Variants in ME2 observed in about 807,000 individuals in gnomAD.
ME2 encodes the protein NAD-dependent malic enzyme, mitochondrial.
A neutral mutation model predicts 73.7 loss-of-function variants in ME2; 60 were observed. That is an observed-to-expected ratio of 0.81 (90% CI 0.66 to 1.01). ME2 has a LOEUF of 1.01. Ranked by LOEUF, ME2 falls within the 50% of genes least tolerant of loss-of-function variation. The pLI, the probability that ME2 is intolerant of heterozygous loss-of-function variation, is 0.00. For missense variants in ME2, 594 were observed against 705.5 expected (o/e 0.84, Z 1.79); for synonymous variants, 199 against 236.9 (o/e 0.84, Z 1.47).
At chr18:50,900,066 A>G (rs2144204309) in intron 2 of ME2, among the ~76,000 whole-genome samples, 1 of 152,234 alleles carries the variant, frequency 6.6e-6, no homozygotes, top group East Asian at 1.9e-4. Flanking sequence ...AAATACCCCT[A>G]TTCACACCTC....
At chr18:50,923,791 C>A (rs1045514299) in intron 10 of ME2, among the ~76,000 whole-genome samples, 1 of 152,186 alleles carries the variant, frequency 6.6e-6, no homozygotes, top group African/African-American at 2.4e-5. Flanking sequence ...CAAAACTCAT[C>A]TACCCCAGAT....
rs1207633566 is a variant in ME2 at position 50,949,648 on chromosome 18, A to G, written c.*2464A>G. The G allele has an allele frequency of 6.6e-6, 1 of 152,250 alleles. No individual in the cohort carries two copies. Among genetic ancestry groups the G allele is most frequent in the Non-Finnish European group, 1.5e-5 (1 of 68,046 alleles). 9.4% of individuals were successfully genotyped at this position (152,250 alleles called of 1,614,324 possible). On this transcript the variant is annotated 3_prime_UTR_variant, in exon 16 of 16. Coordinates refer to ENST00000321341, the MANE Select transcript of ME2 (RefSeq NM_002396.5). ...TAGTGTTTATTGAAGGCAGGAACGT[A>G]TGCTGAATTAAAGTAATTTTACTAC...
chr18:50,922,509 ATTGGGGGATGTATGTT>A (rs1420160867), intron 10 of ME2, among the ~76,000 whole-genome samples: 2 of 152,196 alleles, frequency 1.3e-5, no homozygotes, highest in African/African-American at 4.8e-5. Context: ...TTAGAAGGCT[ATTGGGGGATGTATGTT>A]TTGACTAGTA....
Position 50,917,252 on chromosome 18 carries a change from G to A in ME2, c.469-95G>A, listed in dbSNP as rs1235496296. 18 of 953,328 alleles carry A rather than the reference G, an allele frequency of 1.9e-5. No homozygotes were observed. The East Asian group carries it at 4.5e-4, about 24-fold the overall frequency. The allele number at this position is 953,328 out of a possible 1,614,324, so 59.1% of individuals were successfully genotyped here. On this transcript the variant is annotated intron_variant, in intron 5 of 15. Coordinates refer to ENST00000321341, the MANE Select transcript of ME2 (RefSeq NM_002396.5). ...ACAATTTTATTTTTAAGAGCAAAGA[G>A]TAAATATATATGAAGTGAATCAATC...
chr18:50,880,096 G>C (rs1169218735), intron 1 of ME2, among the ~76,000 whole-genome samples: 1 of 152,190 alleles, frequency 6.6e-6, no homozygotes, highest in East Asian at 1.9e-4. Context: ...GAGGTTAATA[G>C]CATTGCTATT....
In ME2 at chr18:50,913,086, TAA is replaced by T. The variant is rs1469628956; in HGVS notation, c.392+139_392+140del. The T allele has an allele frequency of 1.7e-5, 11 of 646,310 alleles. No individual in the cohort carries two copies. In the East Asian group the frequency reaches 2.8e-4, roughly 17 times the overall value. The allele number at this position is 646,310 out of a possible 1,614,324, so 40.0% of individuals were successfully genotyped here. A position where few individuals can be genotyped will look rare whatever the true frequency, so the allele number is the denominator to read the frequency against. ...CACCTCAGAAAAACGTAATTTTGAT[TAA>T]AAGAGATTAACAAAATCCCAACATA... is the stretch of plus-strand genomic sequence containing the variant. On this transcript the variant is annotated intron_variant, in intron 4 of 15. Coordinates refer to ENST00000321341, the MANE Select transcript of ME2 (RefSeq NM_002396.5).
chr18:50,917,924 T>C (rs1483197795), intron 6 of ME2, among the ~76,000 whole-genome samples, 186 bp from the exon 7 acceptor site: 1 of 151,772 alleles, frequency 6.6e-6, no homozygotes, highest in African/African-American at 2.4e-5. Context: ...TGAGCCGAGA[T>C]CACACCATTG....
intron 3 of ME2, among the ~76,000 whole-genome samples, chr18:50,908,655 T>G (rs1485248924): frequency 6.6e-6 from 1 of 152,158 alleles, no homozygotes; most frequent in African/African-American, 2.4e-5. Flanking sequence ...TTGTTTCTTT[T>G]TTTGAGATGG....
chr18:50,895,660 A>C (rs1350276590), intron 1 of ME2, 149 bp from the exon 2 acceptor site: 16 of 601,446 alleles, frequency 2.7e-5, no homozygotes, highest in Non-Finnish European at 4.4e-5. Context: ...TTATCAGAAA[A>C]AGTAAGTTTT....
rs1479080831 is a variant in ME2, at chr18:50,924,165, A to C, written c.1124A>C (p.Asp375Ala). The part of the protein sequence containing the change: ...FTHSAPESIP[D>A]TFEDAVNILK... Reference sequence around the variant, plus strand: ...CACTCAGCCCCAGAGAGCATACCTGATACTTTTGAAGATGCAGTGAATATA... The same window carrying C: ...CACTCAGCCCCAGAGAGCATACCTGCTACTTTTGAAGATGCAGTGAATATA... The change falls in exon 11 of 16, where the codon GAT (aspartate) becomes GCT (alanine). Residue 375 changes from aspartate to alanine, a missense_variant. Physicochemically the swap from Asp to Ala is moderately radical, Grantham distance 126. Coordinates refer to ENST00000321341, the MANE Select transcript of ME2 (RefSeq NM_002396.5). The C allele has an allele frequency of 3.1e-6, 5 of 1,613,374 alleles. No individual in the cohort carries two copies. Among genetic ancestry groups the C allele is most frequent in the Non-Finnish European group, 4.2e-6 (5 of 1,179,602 alleles).
chr18:50,898,864 G>GT (rs1382648096), intron 2 of ME2, among the ~76,000 whole-genome samples: 67 of 152,276 alleles, frequency 4.4e-4, no homozygotes, highest in Admixed American at 3.2e-3. Context: ...CTAGGCCTTA[G>GT]TTTTCTTCAT....
intron 10 of ME2, among the ~76,000 whole-genome samples, chr18:50,922,616 G>T (rs1917455345): frequency 6.6e-6 from 1 of 152,168 alleles, no homozygotes; most frequent in African/African-American, 2.4e-5. Context: ...GGTAGGTCAG[G>T]TCTAACACAG....
At chr18:50,913,139 T>C (rs1917198193) in intron 4 of ME2, 189 bp downstream of exon 4, 7 of 430,964 alleles carry the variant, frequency 1.6e-5, no homozygotes, top group South Asian at 5.0e-5. Context: ...TTTGTAAAAA[T>C]AGCATAATTC....
intron 2 of ME2, among the ~76,000 whole-genome samples, chr18:50,899,527 G>T (rs1916836114): frequency 6.6e-6 from 1 of 152,168 alleles, no homozygotes; most frequent in Admixed American, 6.5e-5. Context: ...TGAGGTGGGA[G>T]GATCACTTGA....
At position 50,910,228 on chromosome 18, in the gene ME2, TC is replaced by T. The variant is rs1200691877; in HGVS notation, c.242+2034del. Among the ~76,000 whole-genome samples, 4 of 123,190 alleles carry T rather than the reference TC, an allele frequency of 3.2e-5. No homozygotes were observed. The East Asian group carries it at 9.9e-4, about 30-fold the overall frequency. The allele number at this position is 123,190 out of a possible 152,430, so 80.8% of individuals were successfully genotyped here. On this transcript the variant is annotated intron_variant, in intron 3 of 15. Coordinates refer to ENST00000321341, the MANE Select transcript of ME2 (RefSeq NM_002396.5). Reference sequence around the variant, plus strand: ...GGGAGGATCACTTGAGCCCAGGAGTTCCAGACCAGCCTGGGCAACAGAGTGG... The same window carrying T: ...GGGAGGATCACTTGAGCCCAGGAGTTCAGACCAGCCTGGGCAACAGAGTGG...
intron 1 of ME2, among the ~76,000 whole-genome samples, chr18:50,885,742 T>A (rs775806143): frequency 1.3e-5 from 2 of 152,138 alleles, no homozygotes; most frequent in Non-Finnish European, 2.9e-5. Flanking sequence ...TAATAATTTT[T>A]AAAAGTGTAG....
rs763901411 is a variant in ME2, at chr18:50,947,119, T to C, written c.1690T>C (p.Ser564Pro). The C allele has an allele frequency of 1.2e-6, 2 of 1,614,012 alleles. No homozygotes were observed. Among genetic ancestry groups the C allele is most frequent in the Non-Finnish European group, 1.7e-6 (2 of 1,180,000 alleles). ...AAGAACATGGCGGAGTGAATATGAT[T>C]CCCTGCTGCCAGATGTGTATGAATG... ...KERTWRSEYD[S>P]LLPDVYEWPE... The change falls in exon 16 of 16, where the codon TCC becomes CCC. Residue 564 changes from serine (S) to proline (P), a missense_variant. Physicochemically the swap from Ser to Pro is moderately conservative, Grantham distance 74. Coordinates refer to ENST00000321341, the MANE Select transcript of ME2 (RefSeq NM_002396.5).
In ME2 at chr18:50,947,365, G is replaced by T. The variant is rs1918110800; in HGVS notation, c.*181G>T. ...GGTAGACGTGTTGATTGATTGCATT[G>T]CCCACCAGCACCCTACAGTCAGATA... On this transcript the variant is annotated 3_prime_UTR_variant, in exon 16 of 16. Coordinates refer to ENST00000321341, the MANE Select transcript of ME2 (RefSeq NM_002396.5). 1.7e-6 allele frequency: 1 copy of T among 589,786 alleles called. No homozygotes were observed. The highest frequency in any genetic ancestry group is 3.1e-5 in the Admixed American group (1 of 32,460). The allele number at this position is 589,786 out of a possible 1,614,324, so 36.5% of individuals were successfully genotyped here.
At chr18:50,936,167 C>G (rs186834194) in intron 13 of ME2, among the ~76,000 whole-genome samples, 1 of 152,300 alleles carries the variant, frequency 6.6e-6, no homozygotes, top group African/African-American at 2.4e-5. Flanking sequence ...GTTAGACTGA[C>G]AGCAGACTCC....
Sources: allele counts gnomAD v4.1 joint callset (sites outside exome capture counted in the v4.1 genomes callset), GRCh38; gene constraint gnomAD v4.1.1; transcripts MANE v1.5; gene names NCBI Gene and HGNC (gene_info 2026-07-23, HGNC 2026-07-21).